FER1L5: variants seen among roughly 807,000 people sequenced by gnomAD.
FER1L5 encodes the protein fer-1-like protein 5.
Under a neutral mutation model 279.9 loss-of-function variants are expected in FER1L5, and 187 were observed. The observed-to-expected ratio is 0.67, with a 90% CI of 0.59 to 0.75. The LOEUF (loss-of-function observed/expected upper bound fraction) is 0.75. FER1L5 is among the 30% of genes least tolerant of loss of function. The pLI is 0.00. For missense variants in FER1L5, 2,091 were observed against 2,594.4 expected, an observed-to-expected ratio of 0.81 and a Z score of 4.21; for synonymous variants, 921 against 989.7, an observed-to-expected ratio of 0.93 and a Z score of 1.30.
chr2:96,698,927 A>C lies in FER1L5; in HGVS notation c.4518+95A>C. On this transcript the variant is annotated intron_variant, in intron 41 of 52. Transcript: ENST00000624922. The surrounding 1 kb of genome is among the most constrained non-coding windows in gnomAD (Gnocchi z 5.5). ...CCGACTGCTGACACACAGAATGCCA[A>C]CTCCCCATAGGCTCCGTGTGGTGCG... The C allele has an allele frequency of 1.3e-6, 2 of 1,528,504 alleles. No individual in the cohort carries two copies. The highest frequency in any genetic ancestry group is 1.8e-6 in the Non-Finnish European group (2 of 1,128,438). 94.7% of individuals were successfully genotyped at this position (1,528,504 alleles called of 1,614,324 possible).
At chr2:96,688,955 C>T in intron 24 of FER1L5, 1 of 419,060 alleles carries the variant, frequency 2.4e-6, no homozygotes, top group Non-Finnish European at 4.3e-6. Context: ...TGCCTCCAAG[C>T]ACTACATAGA....
chr2:96,669,003 TC>T, intron 16 of FER1L5, 35 bp downstream of exon 16: 1 of 1,551,512 alleles, frequency 6.4e-7, no homozygotes, highest in Non-Finnish European at 8.7e-7. Flanking sequence ...CCTACACCCC[TC>T]GTCCTGCGCC....
intron 13 of FER1L5, 28 bp from the exon 14 acceptor site, chr2:96,663,411 G>T (rs1271071683): frequency 1.9e-6 from 3 of 1,550,412 alleles, no homozygotes; most frequent in Non-Finnish European, 2.6e-6. Context: ...GGGCAGGCTG[G>T]CACCAACACT....
chr2:96,693,541 C>G lies in FER1L5; in HGVS notation c.3328C>G (p.Gln1110Glu). 6.4e-7 allele frequency: 1 copy of G among 1,551,582 alleles called. No homozygotes were observed. Among genetic ancestry groups the G allele is most frequent in the Non-Finnish European group, 8.7e-7 (1 of 1,146,948 alleles). Residue 1110 changes from glutamine to glutamate, a missense_variant, in exon 32 of 53, where the codon CAG (glutamine) becomes GAG (glutamate). Gln to Glu is a conservative substitution (Grantham distance 29). Transcript: ENST00000624922. ...TCGGGTGGTCTTCCTGAACCACAGCCAGTGCACCCAAACCCTGAGGAGCTC... is the reference window on the plus strand; with the variant it reads ...TCGGGTGGTCTTCCTGAACCACAGCGAGTGCACCCAAACCCTGAGGAGCTC... ...FIRVVFLNHSQCTQTLRSSAG... is the reference protein window; with the variant it reads ...FIRVVFLNHSECTQTLRSSAG...
chr2:96,662,230 T>G lies in FER1L5; in HGVS notation c.1034T>G (p.Val345Gly). Residue 345 changes from valine (V) to glycine (G), a missense_variant, in exon 13 of 53, where the codon GTG becomes GGG. Val to Gly is a moderately radical substitution (Grantham distance 109). Transcript: ENST00000624922. ...EDLHLKKHQS[V>G]NPQLEVELIG... ...TTGTTCATAGAGAAACACCAGTCAG[T>G]GAATCCTCAGTTGGAGGTGGAACTA... 1 of 1,551,474 alleles carries G rather than the reference T, an allele frequency of 6.4e-7. No individual in the cohort carries two copies. The highest frequency in any genetic ancestry group is 2.4e-5 in the East Asian group (1 of 40,902).
At chr2:96,701,917 C>T in intron 45 of FER1L5, 38 bp from the exon 46 acceptor site, 3 of 1,604,084 alleles carry the variant, frequency 1.9e-6, no homozygotes, top group Non-Finnish European at 2.6e-6. Context: ...AGAACAGAGG[C>T]TAGCAACCCC....
intron 19 of FER1L5, among the ~76,000 whole-genome samples, chr2:96,683,491 C>T (rs2076806390): frequency 6.6e-6 from 1 of 151,950 alleles, no homozygotes; most frequent in Admixed American, 6.6e-5. Flanking sequence ...CACATTACAT[C>T]TGCAAAGCCC....
intron 2 of FER1L5, among the ~76,000 whole-genome samples, chr2:96,646,862 C>T (rs1440723526): frequency 6.6e-6 from 1 of 152,206 alleles, no homozygotes; most frequent in Non-Finnish European, 1.5e-5. Flanking sequence ...TACTGCAGTT[C>T]AAGTCACAGA....
At chr2:96,669,244 T>TC in intron 17 of FER1L5, 107 bp downstream of exon 17, 1 of 1,123,230 alleles carries the variant, frequency 8.9e-7, no homozygotes, top group Non-Finnish European at 1.2e-6. Flanking sequence ...TTTCTGTCCC[T>TC]CGGGGTCTTG....
At chr2:96,668,842 G>A in intron 15 of FER1L5, 44 bp from the exon 16 acceptor site, 1 of 1,551,672 alleles carries the variant, frequency 6.4e-7, no homozygotes. Context: ...GAAGAAATGA[G>A]AGCTGGGCCG....
At chr2:96,699,251 ACAG>A in intron 42 of FER1L5, 115 bp downstream of exon 42, 1 of 1,041,586 alleles carries the variant, frequency 9.6e-7, no homozygotes, top group Non-Finnish European at 1.4e-6. Flanking sequence ...AGTTCCCACC[ACAG>A]CGTCTTACAT....
At chr2:96,671,687 G>A (rs1174494572) in intron 18 of FER1L5, among the ~76,000 whole-genome samples, 1 of 152,230 alleles carries the variant, frequency 6.6e-6, no homozygotes, top group Non-Finnish European at 1.5e-5. Context: ...AATGAAAGGA[G>A]AGGGAAGCTA....
rs1447690141 is a variant in FER1L5, at chr2:96,699,619, A to G, written c.4680A>G (p.Leu1560=). 2.5e-6 allele frequency: 4 copies of G among 1,613,768 alleles called. No individual in the cohort carries two copies. Among genetic ancestry groups the G allele is most frequent in the Non-Finnish European group, 3.4e-6 (4 of 1,179,868 alleles). ...DLEIQLYDFD[L]FSPDDKIGTT... The stretch of plus-strand genomic sequence containing the variant: ...AGATCCAGCTCTATGACTTCGACCT[A>G]TTTTCACCTGATGATAAGATAGGAA... Residue 1560 remains leucine (L), a synonymous_variant, in exon 43 of 53, where the codon CTA becomes CTG. Transcript: ENST00000624922.
rs1463535549 is a variant in FER1L5, at chr2:96,647,128, A to G, written c.203A>G (p.Gln68Arg). ...ENDSFLQVTL[Q>R]DMGSQKKERF... ...GACTCCTTCCTGCAAGTCACCCTTC[A>G]GGACATGGGCTCACAAAAGAAAGAA... is the stretch of plus-strand genomic sequence containing the variant. The change falls in exon 3 of 53, where the codon CAG becomes CGG. Residue 68 changes from glutamine to arginine, a missense_variant. Transcript: ENST00000624922. 7 of 1,551,574 alleles carry G rather than the reference A, an allele frequency of 4.5e-6. No individual in the cohort carries two copies. Among genetic ancestry groups the G allele is most frequent in the Non-Finnish European group, 3.5e-6 (4 of 1,147,000 alleles).
intron 19 of FER1L5, among the ~76,000 whole-genome samples, chr2:96,681,589 G>C (rs1033991072): frequency 6.6e-6 from 1 of 151,742 alleles, no homozygotes; most frequent in Non-Finnish European, 1.5e-5. Flanking sequence ...ATATGGTTTT[G>C]ATATGATATA....
At chr2:96,662,847 A>G (rs1182670082) in intron 13 of FER1L5, among the ~76,000 whole-genome samples, 1 of 152,230 alleles carries the variant, frequency 6.6e-6, no homozygotes, top group Non-Finnish European at 1.5e-5. Flanking sequence ...TTGTGAACAT[A>G]TTTAAAACCA....
Position 96,702,476 on chromosome 2 carries a change from C to T in FER1L5, c.5255+75C>T. 1 of 1,556,210 alleles carries T rather than the reference C, an allele frequency of 6.4e-7. No homozygotes were observed. The highest frequency in any genetic ancestry group is 1.2e-5 in the South Asian group (1 of 83,884). ...TGTCATCCTGCTGGCACGGCCCAGTCCTGAATGGGACACCTCTCCATCCAG... is the reference window on the plus strand; with the variant it reads ...TGTCATCCTGCTGGCACGGCCCAGTTCTGAATGGGACACCTCTCCATCCAG... On this transcript the variant is annotated intron_variant, in intron 47 of 52. Coordinates refer to ENST00000624922, the MANE Select transcript of FER1L5 (RefSeq NM_001293083.2). The surrounding 1 kb of genome is among the most constrained non-coding windows in gnomAD (Gnocchi z 4.0).
intron 20 of FER1L5, 21 bp downstream of exon 20, chr2:96,684,472 T>C (rs1178246786): frequency 2.6e-6 from 4 of 1,546,676 alleles, no homozygotes; most frequent in Non-Finnish European, 2.6e-6. Context: ...CGGGAGCCGA[T>C]GCTGGGAAGA....
chr2:96,697,398 A>T, intron 37 of FER1L5, 128 bp from the exon 38 acceptor site: 2 of 961,576 alleles, frequency 2.1e-6, no homozygotes, highest in East Asian at 2.6e-5. Flanking sequence ...CCCCTGAATT[A>T]AAAGGTCTAT....
Sources: gnomAD v4.1 joint callset for allele counts (sites outside exome capture counted in the v4.1 genomes callset) on GRCh38, gnomAD v4.1.1 for gene constraint, Gnocchi (gnomAD v3.1) non-coding constraint, MANE v1.5 for transcripts, NCBI Gene and HGNC (gene_info 2026-07-23, HGNC 2026-07-21) for gene names.